The following PRIM2 variants were observed in gnomAD, a reference collection of about 807,000 sequenced individuals.
PRIM2 encodes the protein DNA primase subunit 2, also known as DNA primase large subunit.
A neutral mutation model predicts 67.3 loss-of-function variants in PRIM2; 39 were observed. That is an observed-to-expected ratio of 0.58 (90% confidence interval 0.45 to 0.76). The LOEUF (loss-of-function observed/expected upper bound fraction) is 0.76, where lower values mean the gene tolerates loss of function less well. Among genes scored for constraint, PRIM2 ranks in the 30% least tolerant of loss-of-function variants. PRIM2 has a pLI of 0.00. For missense variants in PRIM2, 398 were observed against 598.7 expected (o/e 0.66, Z 3.50); for synonymous variants, 143 against 198.7 (o/e 0.72, Z 2.36).
chr6:57,420,754 GA>G (rs1349666197), intron 7 of PRIM2, among the ~76,000 whole-genome samples: 1 of 152,198 alleles, frequency 6.6e-6, no homozygotes, highest in Non-Finnish European at 1.5e-5. Flanking sequence ...ATTGGAGGAG[GA>G]AGGAAAATAA....
At chr6:57,496,573 C>A (rs1157342875) in intron 7 of PRIM2, among the ~76,000 whole-genome samples, 2 of 152,120 alleles carry the variant, frequency 1.3e-5, no homozygotes, top group Non-Finnish European at 2.9e-5. Flanking sequence ...AAGATTCATG[C>A]TTACAATAAA....
chr6:57,414,272 A>G (rs1427579301), intron 7 of PRIM2, among the ~76,000 whole-genome samples: 3 of 152,152 alleles, frequency 2.0e-5, no homozygotes, highest in African/African-American at 4.8e-5. Flanking sequence ...AAGAACATGA[A>G]TATTTCTATG....
At chr6:57,292,596 A>AAAC in the PRIM2 span, among the ~76,000 whole-genome samples, 3 of 152,216 alleles carry the variant, frequency 2.0e-5, no homozygotes, top group Non-Finnish European at 4.4e-5. Flanking sequence ...ACTTCGAACT[A>AAAC]AACTAGAAGG....
upstream of PRIM2, among the ~76,000 whole-genome samples, chr6:57,315,367 A>T (rs1767460298): frequency 6.6e-6 from 1 of 152,146 alleles, no homozygotes; most frequent in South Asian, 2.1e-4. Context: ...CTACTACAGA[A>T]GTTCTTAATC....
the PRIM2 span, among the ~76,000 whole-genome samples, chr6:57,296,328 TTA>T: frequency 0.054 from 8,155 of 151,850 alleles, 272 homozygotes; most frequent in Non-Finnish European, 0.078. Flanking sequence ...TGCATCTACT[TTA>T]TATATATATA....
intron 11 of PRIM2, among the ~76,000 whole-genome samples, chr6:57,603,879 G>T (rs1776515977): frequency 6.6e-6 from 1 of 151,888 alleles, no homozygotes; most frequent in East Asian, 1.9e-4. Context: ...AGTTCTTCTT[G>T]TAGAGATCTT....
chr6:57,388,820 T>C (rs1770234293), intron 7 of PRIM2, among the ~76,000 whole-genome samples: 1 of 152,156 alleles, frequency 6.6e-6, no homozygotes, highest in South Asian at 2.1e-4. Flanking sequence ...AAGGTGCTTA[T>C]TGGTTACACA....
intron 7 of PRIM2, among the ~76,000 whole-genome samples, chr6:57,492,309 G>A (rs1773913300): frequency 2.0e-5 from 3 of 152,092 alleles, no homozygotes; most frequent in Admixed American, 6.5e-5. Flanking sequence ...TTGGGAGGCC[G>A]AGGCGGGCAG....
chr6:57,264,720 C>T, the PRIM2 span, among the ~76,000 whole-genome samples: 11 of 151,694 alleles, frequency 7.3e-5, no homozygotes, highest in Non-Finnish European at 4.4e-5. Flanking sequence ...CCTCAGCCTC[C>T]TGAGTAGCTG....
chr6:57,603,384 T>C (rs1246731744), intron 11 of PRIM2, among the ~76,000 whole-genome samples: 39 of 152,226 alleles, frequency 2.6e-4, no homozygotes, highest in Non-Finnish European at 2.9e-5. Flanking sequence ...TTTTTTGTTC[T>C]TAGAATTTTC....
At chr6:57,434,729 T>G (rs1309879538) in intron 7 of PRIM2, among the ~76,000 whole-genome samples, 3 of 152,108 alleles carry the variant, frequency 2.0e-5, no homozygotes, top group Non-Finnish European at 2.9e-5. Context: ...GTGTAGTGTA[T>G]TTTTTAATAT....
chr6:57,309,199 T>C, the PRIM2 span, among the ~76,000 whole-genome samples: 1 of 151,640 alleles, frequency 6.6e-6, no homozygotes. Flanking sequence ...TGCAGGTTAG[T>C]TACATATGTA....
chr6:57,491,478 G>T (rs1554345958), intron 7 of PRIM2, among the ~76,000 whole-genome samples: 4,958 of 152,248 alleles, frequency 0.033, 246 homozygotes, highest in African/African-American at 0.11. Flanking sequence ...TGGGAGAAGT[G>T]ACTAGCATTT....
chr6:57,412,130 G>A (rs1400132181), intron 7 of PRIM2, among the ~76,000 whole-genome samples: 4 of 151,380 alleles, frequency 2.6e-5, no homozygotes, highest in African/African-American at 9.7e-5. Context: ...AATTTGGAGA[G>A]TACAAGACTG....
At chr6:57,396,359 T>C (rs1462173539) in intron 7 of PRIM2, among the ~76,000 whole-genome samples, 2 of 152,212 alleles carry the variant, frequency 1.3e-5, no homozygotes, top group Admixed American at 6.5e-5. Flanking sequence ...ATGTTTAGGA[T>C]TGTGATATTT....
intron 5 of PRIM2, among the ~76,000 whole-genome samples, chr6:57,363,851 C>G (rs969152620): frequency 2.0e-5 from 3 of 152,092 alleles, no homozygotes; most frequent in Non-Finnish European, 4.4e-5. Flanking sequence ...CTTCCCTCTA[C>G]CTGTTCTTTC....
rs964928035 is a variant in PRIM2, at chr6:57,437,674, T to C, written c.693+55506T>C. ...TTGGGAAGGATTCCTTTTTTTTTTT[T>C]TTTTTTTTTAAGACAGGGTCTTACT... is the stretch of plus-strand genomic sequence containing the variant. On this transcript the variant is annotated intron_variant, in intron 7 of 13. Coordinates refer to ENST00000615550, the MANE Select transcript of PRIM2 (RefSeq NM_000947.5). Among the ~76,000 whole-genome samples, 9 of 151,724 alleles carry C rather than the reference T, an allele frequency of 5.9e-5. No homozygotes were observed. The East Asian group carries it at 1.5e-3, about 26-fold the overall frequency.
At chr6:57,390,158 T>C (rs756043749) in intron 7 of PRIM2, 5 of 154,762 alleles carry the variant, frequency 3.2e-5, no homozygotes, top group African/African-American at 1.2e-4. Context: ...AGTAATGTGG[T>C]TTTTTTCTTT....
At chr6:57,287,200 C>T in the PRIM2 span, among the ~76,000 whole-genome samples, 2 of 152,130 alleles carry the variant, frequency 1.3e-5, no homozygotes, top group East Asian at 1.9e-4. Flanking sequence ...GACAGTGTGG[C>T]GATTCCTGAA....
Sources: gnomAD v4.1 joint callset for allele counts (sites outside exome capture counted in the v4.1 genomes callset) on GRCh38, gnomAD v4.1.1 for gene constraint, MANE v1.5 for transcripts, NCBI Gene and HGNC (gene_info 2026-07-23, HGNC 2026-07-21) for gene names.